The following IFT80 variants were observed in gnomAD, a reference collection of about 807,000 sequenced individuals.
IFT80 encodes the protein intraflagellar transport 80.
IFT80 carries 79 observed loss-of-function variants against 107.9 expected under a neutral mutation model. The observed-to-expected ratio is 0.73, with a 90% CI of 0.61 to 0.88. IFT80 has a LOEUF of 0.88. IFT80 is among the 40% of genes least tolerant of loss of function. IFT80 has a pLI of 0.00. For missense variants in IFT80, 797 were observed against 914.2 expected (o/e 0.87, Z 1.65); for synonymous variants, 299 against 300.9 (o/e 0.99, Z 0.07).
At chr3:160,320,250 A>G in intron 8 of IFT80, 1 of 220,248 alleles carries the variant, frequency 4.5e-6, no homozygotes, top group East Asian at 1.0e-4. Context: ...GATTCTGTAG[A>G]AAAAACAAAG....
At chr3:160,387,514 A>G (rs1265054116) in intron 1 of IFT80, among the ~76,000 whole-genome samples, 3 of 152,310 alleles carry the variant, frequency 2.0e-5, no homozygotes, top group East Asian at 3.9e-4. Context: ...AAAAAACAAA[A>G]AAGAAAAACA....
intron 12 of IFT80, among the ~76,000 whole-genome samples, chr3:160,295,651 T>C (rs1355962789): frequency 6.6e-6 from 1 of 152,122 alleles, no homozygotes; most frequent in Non-Finnish European, 1.5e-5. Flanking sequence ...TCTGAGTGTT[T>C]ATCTGAAAGA....
intron 8 of IFT80, among the ~76,000 whole-genome samples, chr3:160,350,256 A>C (rs754843058): frequency 1.3e-5 from 2 of 151,864 alleles, no homozygotes; most frequent in African/African-American, 2.4e-5. Flanking sequence ...ATCTACTAAA[A>C]ATACAAAAAA....
intron 19 of IFT80, among the ~76,000 whole-genome samples, chr3:160,259,842 T>G (rs944719443): frequency 3.9e-5 from 6 of 152,222 alleles, no homozygotes; most frequent in African/African-American, 1.4e-4. Flanking sequence ...GGTCATAGAT[T>G]AAACTAACTC....
At chr3:160,306,829 T>C (rs1716863715) in intron 10 of IFT80, among the ~76,000 whole-genome samples, 1 of 152,200 alleles carries the variant, frequency 6.6e-6, no homozygotes, top group Admixed American at 6.5e-5. Context: ...ACTTTACATA[T>C]TTTAATTCAT....
intron 4 of IFT80, among the ~76,000 whole-genome samples, chr3:160,376,602 C>T (rs1378097977): frequency 2.6e-5 from 4 of 152,150 alleles, no homozygotes; most frequent in Non-Finnish European, 5.9e-5. Flanking sequence ...CCCTCTCTTC[C>T]ACTGTGGGCT....
intron 2 of IFT80, 195 bp downstream of exon 2, chr3:160,384,369 A>T: frequency 8.3e-7 from 1 of 1,212,050 alleles, no homozygotes; most frequent in South Asian, 3.0e-5. Flanking sequence ...TTAAAATAAG[A>T]TTTATAGCAA....
At chr3:160,278,454 G>A (rs1441927257) in intron 16 of IFT80, among the ~76,000 whole-genome samples, 2 of 152,122 alleles carry the variant, frequency 1.3e-5, no homozygotes, top group African/African-American at 4.8e-5. Flanking sequence ...ATCAGACACG[G>A]CCTCCTCAAG....
chr3:160,377,740 A>G (rs1272341300), intron 3 of IFT80, 200 bp from the exon 4 acceptor site: 1 of 417,446 alleles, frequency 2.4e-6, no homozygotes, highest in East Asian at 4.3e-5. Context: ...GAAAATGCAT[A>G]TGCTTACGTG....
intron 8 of IFT80, among the ~76,000 whole-genome samples, chr3:160,341,774 A>C (rs934440263): frequency 6.6e-6 from 1 of 152,232 alleles, no homozygotes; most frequent in Non-Finnish European, 1.5e-5. Context: ...AGACAGAAGC[A>C]GAGACAAAAG....
rs1717103111 is a variant in IFT80, at chr3:160,309,732, C to T, written c.958-1951G>A. Among the ~76,000 whole-genome samples, 4 of 151,462 alleles carry T rather than the reference C, an allele frequency of 2.6e-5. No homozygotes were observed. In the South Asian group the frequency reaches 8.3e-4, roughly 32 times the overall value. ...CAGAACAGCGTGTATAGTATGATAC[C>T]TTTTATCTAAGAAAGGGAAGAATAT... On this transcript the variant is annotated intron_variant, in intron 9 of 19. Transcript: ENST00000326448.
intron 8 of IFT80, among the ~76,000 whole-genome samples, chr3:160,342,305 C>G (rs1250164218): frequency 6.6e-6 from 1 of 152,070 alleles, no homozygotes; most frequent in Non-Finnish European, 1.5e-5. Context: ...GCTACTCTTA[C>G]ATTAAAACGA....
chr3:160,377,756 AAAT>A (rs1479666921), intron 3 of IFT80: 6 of 367,928 alleles, frequency 1.6e-5, no homozygotes, highest in Non-Finnish European at 2.9e-5. Flanking sequence ...ACGTGGTTCA[AAAT>A]AATTATACAT....
chr3:160,363,737 G>C (rs1041443647), intron 6 of IFT80, among the ~76,000 whole-genome samples: 3 of 152,094 alleles, frequency 2.0e-5, no homozygotes, highest in African/African-American at 7.2e-5. Context: ...TGACAAACCT[G>C]ACAAAAACAA....
chr3:160,306,792 T>C (rs1214095130), intron 10 of IFT80, among the ~76,000 whole-genome samples: 1 of 152,210 alleles, frequency 6.6e-6, no homozygotes, highest in Non-Finnish European at 1.5e-5. Flanking sequence ...TGTGTACTAC[T>C]AGACTTGGAT....
Position 160,358,124 on chromosome 3 carries a change from C to T in IFT80, c.550-546G>A, listed in dbSNP as rs140300728. Among the ~76,000 whole-genome samples the T allele has an allele frequency of 3.4e-3, 521 of 151,990 alleles. 2 individuals carry two copies. The highest frequency in any genetic ancestry group is 0.012 in the African/African-American group (492 of 41,454). ...CCACATTCAAGCAATCCTCCTGCCT[C>T]AGCCTCCCAAGTAGCTGGGACTACA... On this transcript the variant is annotated intron_variant, in intron 6 of 19. Coordinates refer to ENST00000326448, the MANE Select transcript of IFT80 (RefSeq NM_020800.3).
At chr3:160,275,735 A>C (rs146836202) in intron 18 of IFT80, among the ~76,000 whole-genome samples, 2 of 152,176 alleles carry the variant, frequency 1.3e-5, no homozygotes, top group Non-Finnish European at 2.9e-5. Flanking sequence ...AACACTGGTC[A>C]AAAGAATGCT....
At chr3:160,387,920 A>G (rs1713065802) in intron 1 of IFT80, among the ~76,000 whole-genome samples, 1 of 152,216 alleles carries the variant, frequency 6.6e-6, no homozygotes, top group African/African-American at 2.4e-5. Flanking sequence ...ACTAGCAAAA[A>G]GAAGTGGAGA....
intron 13 of IFT80, among the ~76,000 whole-genome samples, chr3:160,284,131 G>C (rs1006480118): frequency 6.6e-6 from 1 of 151,970 alleles, no homozygotes; most frequent in Admixed American, 6.6e-5. Flanking sequence ...AATGTACTGG[G>C]TAATTGGGTG....
Sources: allele counts gnomAD v4.1 joint callset (sites outside exome capture counted in the v4.1 genomes callset), GRCh38; gene constraint gnomAD v4.1.1; transcripts MANE v1.5; gene names NCBI Gene and HGNC (gene_info 2026-07-23, HGNC 2026-07-21).